The following PRH1 variants were observed in gnomAD, a reference collection of about 807,000 sequenced individuals.
The protein encoded by PRH1 is proline rich protein HaeIII subfamily 1.
PRH1 carries 7 observed loss-of-function variants against 7.9 expected under a neutral mutation model. The ratio of observed to expected loss-of-function variants is 0.89; its 90% CI spans 0.50 to 1.67. The LOEUF (loss-of-function observed/expected upper bound fraction) is 1.67, where lower values mean the gene tolerates loss of function less well. PRH1 is among the 40% of genes most tolerant of loss of function. The pLI, the probability that PRH1 is intolerant of heterozygous loss-of-function variation, is 0.00. For synonymous variants in PRH1, 45 were observed against 80.8 expected, an observed-to-expected ratio of 0.56 and a Z score of 2.38; for missense variants, 109 against 223.6, an observed-to-expected ratio of 0.49 and a Z score of 3.27.
downstream of PRH1, among the ~76,000 whole-genome samples, chr12:11,120,482 A>AGT (rs1945863839): frequency 6.6e-6 from 1 of 152,046 alleles, no homozygotes; most frequent in Non-Finnish European, 1.5e-5. Context: ...TGTTACTTCA[A>AGT]CCCAGTAACT....
chr12:11,122,309 C>T (rs1658705236), intron 1 of PRH1, among the ~76,000 whole-genome samples: 1 of 50,746 alleles, frequency 2.0e-5, no homozygotes. Flanking sequence ...CATCCAAACT[C>T]TATCTTCAAG....
intron 1 of PRH1, among the ~76,000 whole-genome samples, chr12:11,105,087 ACTTC>A (rs1382239911): frequency 6.6e-6 from 1 of 151,980 alleles, no homozygotes; most frequent in Non-Finnish European, 1.5e-5. Flanking sequence ...TACTGGAGAT[ACTTC>A]CTTTAATCAA....
At chr12:11,040,481 C>T (rs1942663054) in intron 1 of PRH1, among the ~76,000 whole-genome samples, 1 of 152,104 alleles carries the variant, frequency 6.6e-6, no homozygotes, top group African/African-American at 2.4e-5. Context: ...AACCAAACAC[C>T]ACATGTTATC....
At chr12:10,969,231 T>G (rs1055680922) in intron 2 of PRH1, among the ~76,000 whole-genome samples, 3 of 152,086 alleles carry the variant, frequency 2.0e-5, no homozygotes, top group African/African-American at 7.2e-5. Flanking sequence ...TCAAGCCACT[T>G]CTCTCCAACG....
At chr12:10,969,546 A>G (rs1938688223) in intron 2 of PRH1, among the ~76,000 whole-genome samples, 1 of 148,454 alleles carries the variant, frequency 6.7e-6, no homozygotes, top group Admixed American at 6.7e-5. Flanking sequence ...CATATTTCCA[A>G]AAGTTTGCTA....
chr12:11,084,395 T>A (rs77082574), intron 1 of PRH1, among the ~76,000 whole-genome samples: 2 of 145,540 alleles, frequency 1.4e-5, no homozygotes, highest in African/African-American at 5.3e-5. Flanking sequence ...GGACATTTGA[T>A]AGACTTCTCA....
intron 1 of PRH1, among the ~76,000 whole-genome samples, chr12:11,033,130 A>T (rs1942297726): frequency 6.6e-6 from 1 of 152,136 alleles, no homozygotes; most frequent in Non-Finnish European, 1.5e-5. Flanking sequence ...AGCGCAGGCG[A>T]GGTTGAGGAA....
chr12:10,943,475 T>G (rs1389003288), intron 2 of PRH1, among the ~76,000 whole-genome samples: 1 of 152,216 alleles, frequency 6.6e-6, no homozygotes, highest in Non-Finnish European at 1.5e-5. Context: ...ATATAAGGCC[T>G]TTGTCAGATG....
At chr12:11,010,306 T>C (rs1941009990) in intron 1 of PRH1, among the ~76,000 whole-genome samples, 1 of 151,806 alleles carries the variant, frequency 6.6e-6, no homozygotes, top group Admixed American at 6.6e-5. Flanking sequence ...AGATGATTGA[T>C]GATGATGTTG....
chr12:10,940,615 A>G (rs899362255), intron 2 of PRH1, among the ~76,000 whole-genome samples: 2 of 152,206 alleles, frequency 1.3e-5, no homozygotes, highest in Non-Finnish European at 2.9e-5. Context: ...CTCTCCCAGC[A>G]ACATCTACTC....
In PRH1 at chr12:11,029,257, T is replaced by C. The variant is rs530003227; in HGVS notation, c.-126+17763A>G. On this transcript the variant is annotated intron_variant, in intron 1 of 3. Coordinates refer to the PRH1 transcript ENST00000539853. ...AAGACTGTACATTTCTTTCTTATAA[T>C]AGAACTTCCTATTAAAGAATATGTC... Among the ~76,000 whole-genome samples, 4 of 152,402 alleles carry C rather than the reference T, an allele frequency of 2.6e-5. No homozygotes were observed. In the East Asian group the frequency reaches 5.8e-4, roughly 22 times the overall value.
chr12:11,058,610 TCTAC>T, intron 1 of PRH1, among the ~76,000 whole-genome samples: 1 of 152,284 alleles, frequency 6.6e-6, no homozygotes, highest in South Asian at 2.1e-4. Context: ...AAAAGAGGGC[TCTAC>T]AGCAGATATA....
chr12:10,989,445 G>A (rs903732143), intron 1 of PRH1, among the ~76,000 whole-genome samples: 1 of 151,774 alleles, frequency 6.6e-6, no homozygotes, highest in Non-Finnish European at 1.5e-5. Context: ...CATTTCCTTT[G>A]GATATATACA....
intron 1 of PRH1, among the ~76,000 whole-genome samples, chr12:11,057,352 T>A (rs1037168402): frequency 2.6e-5 from 4 of 152,176 alleles, no homozygotes; most frequent in Admixed American, 1.3e-4. Context: ...CTCATGTCCA[T>A]CCCAAGGTGG....
intron 1 of PRH1, among the ~76,000 whole-genome samples, chr12:10,989,365 T>C (rs981849849): frequency 7.9e-5 from 12 of 152,206 alleles, no homozygotes; most frequent in Non-Finnish European, 1.8e-4. Context: ...TGATACATAT[T>C]TGGGGGGTTT....
In PRH1 at chr12:10,928,310, C is replaced by T. The variant is rs551631486; in HGVS notation, c.-58-44035G>A. 1.1e-4 allele frequency among the ~76,000 whole-genome samples: 16 copies of T among 152,240 alleles called. No homozygotes were observed. The South Asian group carries it at 1.5e-3, about 14-fold the overall frequency. ...TGAGGCTTGAACAGGCATTACAAAT[C>T]ATCAAGTTGAATATATAAGTATGGC... is the stretch of plus-strand genomic sequence containing the variant. On this transcript the variant is annotated intron_variant, in intron 2 of 3. Transcript: ENST00000539853.
intron 1 of PRH1, among the ~76,000 whole-genome samples, chr12:11,014,811 C>G (rs950453665): frequency 6.6e-6 from 1 of 152,168 alleles, no homozygotes; most frequent in Non-Finnish European, 1.5e-5. Flanking sequence ...TCCACACCAT[C>G]TGAGACTTTT....
At chr12:11,028,626 A>G (rs1942033806) in intron 1 of PRH1, among the ~76,000 whole-genome samples, 1 of 152,240 alleles carries the variant, frequency 6.6e-6, no homozygotes, top group East Asian at 1.9e-4. Flanking sequence ...TGTTTAAATA[A>G]TCAACTAGAA....
intron 1 of PRH1, chr12:11,134,271 A>T (rs745514595): frequency 8.8e-6 from 14 of 1,584,620 alleles, no homozygotes; most frequent in Admixed American, 3.6e-5. Context: ...AGAAATTTTT[A>T]AAATGCTGGT....
Sources: allele counts gnomAD v4.1 joint callset (sites outside exome capture counted in the v4.1 genomes callset), GRCh38; gene constraint gnomAD v4.1.1; transcripts MANE v1.5; gene names NCBI Gene and HGNC (gene_info 2026-07-23, HGNC 2026-07-21).